The following FCAR variants were observed in gnomAD, a reference collection of about 807,000 sequenced individuals.
FCAR encodes immunoglobulin alpha Fc receptor.
FCAR carries 21 observed loss-of-function variants against 27.1 expected under a neutral mutation model. The observed-to-expected ratio is 0.77, with a 90% confidence interval of 0.55 to 1.11. FCAR has a LOEUF of 1.11. FCAR is among the 50% of genes most tolerant of loss of function. FCAR has a pLI of 0.00. For synonymous variants in FCAR, 134 were observed against 135.8 expected (o/e 0.99, Z 0.09); for missense variants, 404 against 358.4 (o/e 1.13, Z -1.03).
intron 2 of FCAR, among the ~76,000 whole-genome samples, chr19:54,882,791 G>T (rs2066498008): frequency 1.3e-5 from 2 of 152,118 alleles, no homozygotes; most frequent in Non-Finnish European, 2.9e-5. Context: ...TAACTGTGAT[G>T]TCGGTTGAGT....
chr19:54,881,691 T>C (rs1177186929), intron 2 of FCAR, among the ~76,000 whole-genome samples: 1 of 151,660 alleles, frequency 6.6e-6, no homozygotes, highest in Non-Finnish European at 1.5e-5. Context: ...GCTAATCTGG[T>C]GAAACCCCGT....
rs60755830 is a variant in FCAR at position 54,883,181 on chromosome 19, A to ATT, written c.71-2039_71-2038dup. Among the ~76,000 whole-genome samples, 1,289 of 139,886 alleles carry ATT rather than the reference A, an allele frequency of 9.2e-3. 22 individuals carry two copies. The highest frequency in any genetic ancestry group is 0.031 in the African/African-American group (1,203 of 38,266). The allele number at this position is 139,886 out of a possible 152,430, so 91.8% of individuals were successfully genotyped here. ...GCACCATAAAGAGAAAATTTTTGTA[A>ATT]TTTTTTTTTTTTTTTTGTAGAGATG... is the stretch of plus-strand genomic sequence containing the variant. On this transcript the variant is annotated intron_variant, in intron 2 of 4. Coordinates refer to ENST00000355524, the MANE Select transcript of FCAR (RefSeq NM_002000.4).
intron 1 of FCAR, among the ~76,000 whole-genome samples, 180 bp from the exon 2 acceptor site, chr19:54,875,150 G>T (rs971754538): frequency 6.7e-6 from 1 of 150,188 alleles, no homozygotes; most frequent in Non-Finnish European, 1.5e-5. Flanking sequence ...CAGCTTGGGC[G>T]ACACAGCGAG....
At chr19:54,879,983 C>T (rs1045297943) in intron 2 of FCAR, among the ~76,000 whole-genome samples, 2 of 152,328 alleles carry the variant, frequency 1.3e-5, no homozygotes, top group African/African-American at 4.8e-5. Flanking sequence ...CCGCGCCCGG[C>T]CGACATTTCT....
chr19:54,874,425 A>G (rs2065980416), intron 1 of FCAR, 102 bp downstream of exon 1: 1 of 1,176,884 alleles, frequency 8.5e-7, no homozygotes, highest in Non-Finnish European at 1.3e-6. Context: ...AGTGGCTGCC[A>G]AGGAGATTCT....
chr19:54,884,214 G>A (rs984431281), intron 2 of FCAR, among the ~76,000 whole-genome samples: 20 of 152,206 alleles, frequency 1.3e-4, no homozygotes, highest in African/African-American at 4.3e-4. Flanking sequence ...ACGGCAGGTG[G>A]AGCCATCTCA....
chr19:54,891,045 CT>C lies in FCAR; in HGVS notation c.*1184del, dbSNP rs1257155201. 6.6e-6 allele frequency: 1 copy of C among 152,184 alleles called. No individual in the cohort carries two copies. Among genetic ancestry groups the C allele is most frequent in the Non-Finnish European group, 1.5e-5 (1 of 68,036 alleles). 9.4% of individuals were successfully genotyped at this position (152,184 alleles called of 1,614,324 possible). On this transcript the variant is annotated 3_prime_UTR_variant, in exon 5 of 5. Transcript: ENST00000355524. Reference sequence around the variant, plus strand: ...TTCACCTCATTAATTTATTTTTTCACTTAGTTTTGATGATATTCACATATAT... The same window carrying C: ...TTCACCTCATTAATTTATTTTTTCACTAGTTTTGATGATATTCACATATAT...
At chr19:54,882,278 T>C (rs1045904779) in intron 2 of FCAR, among the ~76,000 whole-genome samples, 14 of 152,216 alleles carry the variant, frequency 9.2e-5, no homozygotes, top group African/African-American at 3.1e-4. Context: ...ACCCCTTGGA[T>C]TGTGTTTCAA....
intron 2 of FCAR, among the ~76,000 whole-genome samples, chr19:54,883,697 G>A (rs1243916905): frequency 6.6e-6 from 1 of 152,132 alleles, no homozygotes; most frequent in East Asian, 1.9e-4. Flanking sequence ...GCTCACACGT[G>A]TAATCCCAGT....
rs1051030130 is a variant in FCAR at position 54,890,605 on chromosome 19, T to A, written c.*742T>A. On this transcript the variant is annotated 3_prime_UTR_variant, in exon 5 of 5. Transcript: ENST00000355524. Reference sequence around the variant, plus strand: ...ATCACGCCCAGCTACTTTTACAGTATTTTTAGTAGAGACGGGGTTTCATCA... The same window carrying A: ...ATCACGCCCAGCTACTTTTACAGTAATTTTAGTAGAGACGGGGTTTCATCA... 1 of 151,808 alleles carries A rather than the reference T, an allele frequency of 6.6e-6. No homozygotes were observed. The highest frequency in any genetic ancestry group is 6.6e-5 in the Admixed American group (1 of 15,198). 9.4% of individuals were successfully genotyped at this position (151,808 alleles called of 1,614,324 possible).
intron 2 of FCAR, among the ~76,000 whole-genome samples, chr19:54,884,795 T>C (rs587724354): frequency 7.5e-6 from 1 of 132,694 alleles, no homozygotes; most frequent in South Asian, 2.5e-4. Context: ...TAAATTTTTC[T>C]CTTTTTTTAA....
intron 2 of FCAR, among the ~76,000 whole-genome samples, chr19:54,884,672 G>A (rs1434828405): frequency 6.7e-6 from 1 of 148,738 alleles, no homozygotes; most frequent in South Asian, 2.3e-4. Flanking sequence ...AGACACTGGA[G>A]ACTACTAGAT....
chr19:54,888,377 G>A, intron 4 of FCAR, 83 bp downstream of exon 4: 1 of 1,552,462 alleles, frequency 6.4e-7, no homozygotes, highest in South Asian at 1.2e-5. Flanking sequence ...GACGTGCACT[G>A]AGAGTGAAGT....
Position 54,888,103 on chromosome 19 carries a change from TTGATAGATTTTCACTGGCCAAGGAG to T in FCAR, c.459_483del (p.Phe153LeufsTer68), listed in dbSNP as rs1389245128. ...ACGTGCAGCTCAGCACACATCCCAT[TTGATAGATTTTCACTGGCCAAGGAG>T]GGAGAACTTTCTCTGCCACAGCACC... On this transcript the variant is annotated frameshift_variant, in exon 4 of 5. Coordinates refer to ENST00000355524, the MANE Select transcript of FCAR (RefSeq NM_002000.4). LOFTEE classifies it high-confidence loss of function. 21 of 1,614,134 alleles carry T rather than the reference TTGATAGATTTTCACTGGCCAAGGAG, an allele frequency of 1.3e-5. No homozygotes were observed. Among genetic ancestry groups the T allele is most frequent in the Non-Finnish European group, 1.8e-5 (21 of 1,180,012 alleles).
intron 2 of FCAR, among the ~76,000 whole-genome samples, chr19:54,881,764 C>G (rs1219962228): frequency 2.0e-5 from 3 of 151,974 alleles, no homozygotes; most frequent in Non-Finnish European, 2.9e-5. Flanking sequence ...CCCAGCTACT[C>G]GGGAGGAGGA....
chr19:54,881,036 T>C (rs1211509451), intron 2 of FCAR: 2 of 152,312 alleles, frequency 1.3e-5, no homozygotes, highest in Non-Finnish European at 2.9e-5. Context: ...ATCACAGCTC[T>C]GGGGTGAGCT....
intron 1 of FCAR, 76 bp downstream of exon 1, chr19:54,874,399 G>A: frequency 1.4e-6 from 2 of 1,428,610 alleles, no homozygotes; most frequent in East Asian, 2.3e-5. Context: ...TCTTAACAGT[G>A]TGACTAGGAG....
chr19:54,884,357 T>C (rs886916398), intron 2 of FCAR, among the ~76,000 whole-genome samples: 1 of 152,030 alleles, frequency 6.6e-6, no homozygotes, highest in Non-Finnish European at 1.5e-5. Flanking sequence ...TGCAGCCAGG[T>C]GCGGTGGCTC....
intron 2 of FCAR, among the ~76,000 whole-genome samples, chr19:54,884,876 G>A (rs948299799): frequency 1.3e-5 from 2 of 150,964 alleles, no homozygotes; most frequent in Non-Finnish European, 3.0e-5. Flanking sequence ...GTGTGATCTC[G>A]GCTCACTGCA....
Sources: allele counts gnomAD v4.1 joint callset (sites outside exome capture counted in the v4.1 genomes callset), GRCh38; gene constraint gnomAD v4.1.1; transcripts MANE v1.5; gene names NCBI Gene and HGNC (gene_info 2026-07-23, HGNC 2026-07-21).